The following PCDH9 variants were observed in gnomAD, a reference collection of about 807,000 sequenced individuals.
PCDH9 encodes the protein protocadherin 9.
In PCDH9, 24 loss-of-function variants were observed where a neutral mutation model predicts 70.6. That is an observed-to-expected ratio of 0.34 (90% CI 0.25 to 0.48). The LOEUF (loss-of-function observed/expected upper bound fraction) is 0.48, where lower values mean the gene tolerates loss of function less well. Ranked by LOEUF, PCDH9 falls within the 20% of genes least tolerant of loss-of-function variation. PCDH9 has a pLI of 0.99. For synonymous variants in PCDH9, 562 were observed against 558.5 expected (o/e 1.01, Z -0.09); for missense variants, 1,281 against 1,503.6 (o/e 0.85, Z 2.45).
At chr13:67,027,641 A>C (rs1022823866) in intron 2 of PCDH9, among the ~76,000 whole-genome samples, 3 of 150,230 alleles carry the variant, frequency 2.0e-5, no homozygotes, top group African/African-American at 7.3e-5. Flanking sequence ...AACCTACAAA[A>C]TGGGAGAAAA....
intron 4 of PCDH9, among the ~76,000 whole-genome samples, chr13:66,494,239 T>C (rs1164729226): frequency 3.3e-5 from 5 of 152,160 alleles, no homozygotes; most frequent in Non-Finnish European, 7.4e-5. Flanking sequence ...TTTTCTATGC[T>C]TTTAAGATGG....
At chr13:67,159,876 A>G (rs1234392850) in intron 2 of PCDH9, among the ~76,000 whole-genome samples, 3 of 152,178 alleles carry the variant, frequency 2.0e-5, no homozygotes, top group African/African-American at 7.2e-5. Flanking sequence ...ACGTAGTTTT[A>G]TAAGAAAGGG....
chr13:67,063,492 G>T (rs2085579714), intron 2 of PCDH9, among the ~76,000 whole-genome samples: 1 of 148,472 alleles, frequency 6.7e-6, no homozygotes, highest in Non-Finnish European at 1.5e-5. Flanking sequence ...CTTACTAAAT[G>T]AATCTGAGGC....
chr13:66,316,036 T>C (rs534946292), intron 4 of PCDH9, among the ~76,000 whole-genome samples: 2 of 152,292 alleles, frequency 1.3e-5, no homozygotes, highest in South Asian at 4.1e-4. Flanking sequence ...ATTCATTTCC[T>C]TTCCTTTTAT....
At chr13:66,612,197 T>C (rs1316132802) in intron 4 of PCDH9, among the ~76,000 whole-genome samples, 1 of 152,186 alleles carries the variant, frequency 6.6e-6, no homozygotes, top group African/African-American at 2.4e-5. Context: ...AGTCAATGAA[T>C]GCATAAGGAA....
intron 2 of PCDH9, among the ~76,000 whole-genome samples, chr13:66,934,742 A>G (rs1386873039): frequency 1.3e-5 from 1 of 78,802 alleles, no homozygotes; most frequent in Non-Finnish European, 2.2e-5. Context: ...TTTTTTTGAG[A>G]CGGAGTCTCG....
rs140949732 is a variant in PCDH9, at chr13:66,848,299, A to G, written c.3138+55205T>C. Reference sequence around the variant, plus strand: ...ACTAACATACTTTTTAAACTCTACAATTACATTTTTCACCTCTGCTTTTGC... The same window carrying G: ...ACTAACATACTTTTTAAACTCTACAGTTACATTTTTCACCTCTGCTTTTGC... On this transcript the variant is annotated intron_variant, in intron 3 of 4. Transcript: ENST00000377865. 5.6e-4 allele frequency among the ~76,000 whole-genome samples: 85 copies of G among 152,312 alleles called. 1 individual carries two copies. The highest frequency in any genetic ancestry group is 5.7e-4 in the Non-Finnish European group (39 of 68,032).
chr13:66,647,168 G>A (rs2077782687), intron 3 of PCDH9, among the ~76,000 whole-genome samples: 1 of 152,144 alleles, frequency 6.6e-6, no homozygotes, highest in Non-Finnish European at 1.5e-5. Flanking sequence ...TGGGCTTGAA[G>A]CCCAGTGGAC....
At chr13:67,102,930 C>G (rs996277544) in intron 2 of PCDH9, among the ~76,000 whole-genome samples, 3 of 152,026 alleles carry the variant, frequency 2.0e-5, no homozygotes, top group Non-Finnish European at 4.4e-5. Flanking sequence ...TACCTCTCCT[C>G]ACACATAAAA....
At chr13:66,739,421 A>G (rs2079217132) in intron 3 of PCDH9, among the ~76,000 whole-genome samples, 1 of 151,280 alleles carries the variant, frequency 6.6e-6, no homozygotes, top group African/African-American at 2.4e-5. Context: ...GACTAGGAAG[A>G]AACTGCATCA....
At chr13:67,041,957 A>G (rs1018632871) in intron 2 of PCDH9, among the ~76,000 whole-genome samples, 1 of 152,196 alleles carries the variant, frequency 6.6e-6, no homozygotes. Flanking sequence ...GTCAAAATGA[A>G]GTATGTCATT....
intron 3 of PCDH9, among the ~76,000 whole-genome samples, chr13:66,785,913 T>C (rs2080072629): frequency 6.6e-6 from 1 of 152,192 alleles, no homozygotes; most frequent in South Asian, 2.1e-4. Flanking sequence ...GTGTCCCATT[T>C]TTGAGTTTTA....
chr13:67,059,534 A>G (rs1269696673), intron 2 of PCDH9, among the ~76,000 whole-genome samples: 4 of 151,272 alleles, frequency 2.6e-5, no homozygotes, highest in Non-Finnish European at 5.9e-5. Context: ...GCCTCTCACA[A>G]TAGAGCAGTG....
chr13:66,900,031 G>A (rs971711284), intron 3 of PCDH9, among the ~76,000 whole-genome samples: 1 of 151,954 alleles, frequency 6.6e-6, no homozygotes, highest in East Asian at 1.9e-4. Context: ...GAGAGGTAGG[G>A]CAAGCTACTC....
At chr13:66,956,321 G>T (rs1055201382) in intron 2 of PCDH9, among the ~76,000 whole-genome samples, 6 of 152,318 alleles carry the variant, frequency 3.9e-5, no homozygotes, top group African/African-American at 1.4e-4. Context: ...AAATGGAGAT[G>T]ATGTGTTAAA....
chr13:66,694,983 C>T (rs2078540703), intron 3 of PCDH9, among the ~76,000 whole-genome samples: 1 of 151,528 alleles, frequency 6.6e-6, no homozygotes, highest in Non-Finnish European at 1.5e-5. Flanking sequence ...TGCTCACTGC[C>T]AGCTCCGCCT....
intron 2 of PCDH9, chr13:67,204,076 T>C (rs935575546): frequency 3.3e-5 from 5 of 152,126 alleles, no homozygotes; most frequent in African/African-American, 1.2e-4. Flanking sequence ...TATGATTACA[T>C]ATAAGGCTGG....
intron 2 of PCDH9, among the ~76,000 whole-genome samples, chr13:66,995,453 AG>A (rs1012532629): frequency 7.9e-5 from 12 of 152,112 alleles, no homozygotes; most frequent in African/African-American, 1.2e-4. Flanking sequence ...GGTGCATAAA[AG>A]TGTCCACCAC....
intron 2 of PCDH9, among the ~76,000 whole-genome samples, chr13:67,016,418 G>A (rs939757061): frequency 1.3e-5 from 2 of 152,102 alleles, no homozygotes; most frequent in Non-Finnish European, 2.9e-5. Flanking sequence ...AACAGTTTGA[G>A]CTACTCAAGA....
Sources: allele counts gnomAD v4.1 joint callset (sites outside exome capture counted in the v4.1 genomes callset), GRCh38; gene constraint gnomAD v4.1.1; transcripts MANE v1.5; gene names NCBI Gene and HGNC (gene_info 2026-07-23, HGNC 2026-07-21).